The following SPATA7 variants were observed in gnomAD, a reference collection of about 807,000 sequenced individuals.
SPATA7 encodes the protein spermatogenesis associated 7, also known as spermatogenesis-associated protein 7.
In SPATA7, 43 loss-of-function variants were observed where a neutral mutation model predicts 51.8. That is an observed-to-expected ratio of 0.83 (90% CI 0.65 to 1.07). The LOEUF (loss-of-function observed/expected upper bound fraction) is 1.07. SPATA7 is among the 50% of genes least tolerant of loss of function. The pLI, the probability that SPATA7 is intolerant of heterozygous loss-of-function variation, is 0.00. For missense variants in SPATA7, 683 were observed against 701.3 expected (o/e 0.97, Z 0.30); for synonymous variants, 230 against 252.8 (o/e 0.91, Z 0.86).
chr14:88,421,362 A>T (rs1595255749), intron 5 of SPATA7, among the ~76,000 whole-genome samples: 1 of 152,156 alleles, frequency 6.6e-6, no homozygotes, highest in East Asian at 1.9e-4. Flanking sequence ...CCTAGCACCC[A>T]TGATGTGGTT....
intron 10 of SPATA7, among the ~76,000 whole-genome samples, chr14:88,434,001 G>A (rs2077008351): frequency 6.6e-6 from 1 of 152,088 alleles, no homozygotes; most frequent in Non-Finnish European, 1.5e-5. Context: ...TGCATAATAT[G>A]GGTAAAGAGT....
intron 10 of SPATA7, among the ~76,000 whole-genome samples, chr14:88,434,357 T>C (rs1350253226): frequency 1.3e-5 from 2 of 152,102 alleles, no homozygotes; most frequent in Admixed American, 6.6e-5. Flanking sequence ...TTTACAGATA[T>C]AGAAAGATGT....
chr14:88,469,085 A>G lies in SPATA7; in HGVS notation c.255-762A>G. On this transcript the variant is annotated intron_variant, in intron 4 of 4. Coordinates refer to the SPATA7 transcript ENST00000556406. This position sits in a 1 kb window ranked among gnomAD's most constrained non-coding sequence, Gnocchi z 4.3. The stretch of plus-strand genomic sequence containing the variant: ...GATCTCTTCAAGATATGCTGTGGAA[A>G]ATCAATGAAATAGAAAAGTACTCAA... The G allele has an allele frequency of 1.2e-6, 2 of 1,602,942 alleles. No homozygotes were observed. The highest frequency in any genetic ancestry group is 1.1e-5 in the South Asian group (1 of 90,424).
intron 5 of SPATA7, among the ~76,000 whole-genome samples, chr14:88,420,757 T>C (rs746925883): frequency 2.0e-5 from 3 of 152,162 alleles, no homozygotes; most frequent in Non-Finnish European, 2.9e-5. Context: ...ATTTTATCCA[T>C]AAATATTTGA....
intron 4 of SPATA7, chr14:88,468,037 C>T (rs1200374980): frequency 1.8e-5 from 26 of 1,433,958 alleles, no homozygotes; most frequent in Admixed American, 9.2e-5. Context: ...TGCCACGCTG[C>T]GTGGATCAAG....
At chr14:88,429,213 A>T in intron 7 of SPATA7, 135 bp from the exon 8 acceptor site, 1 of 540,082 alleles carries the variant, frequency 1.9e-6, no homozygotes, top group South Asian at 2.5e-5. Flanking sequence ...ATTATTCTAA[A>T]ATATTCTTTG....
At chr14:88,391,547 T>A (rs543488665) in intron 2 of SPATA7, 92 bp downstream of exon 2, 2 of 1,041,106 alleles carry the variant, frequency 1.9e-6, no homozygotes, top group African/African-American at 1.6e-5. Flanking sequence ...GAAAAATTGT[T>A]TCATTTGACG....
chr14:88,469,075 T>A lies in SPATA7; in HGVS notation c.255-772T>A, dbSNP rs1595334574. ...GAACAGACTGGATCTCTTCAAGATA[T>A]GCTGTGGAAAATCAATGAAATAGAA... On this transcript the variant is annotated intron_variant, in intron 4 of 4. Transcript: ENST00000556406. This position sits in a 1 kb window ranked among gnomAD's most constrained non-coding sequence, Gnocchi z 4.3. The A allele has an allele frequency of 1.2e-6, 2 of 1,605,774 alleles. No homozygotes were observed. The highest frequency in any genetic ancestry group is 1.7e-6 in the Non-Finnish European group (2 of 1,174,086).
intron 9 of SPATA7, 119 bp from the exon 10 acceptor site, chr14:88,433,016 G>A (rs1160379738): frequency 2.7e-6 from 2 of 733,836 alleles, no homozygotes; most frequent in Non-Finnish European, 4.6e-6. Context: ...AGTAATATGA[G>A]ATAGAAGTAC....
At chr14:88,443,119 A>G (rs2140037951), downstream of SPATA7, among the ~76,000 whole-genome samples, 1 of 151,806 alleles carries the variant, frequency 6.6e-6, no homozygotes, top group Non-Finnish European at 1.5e-5. Context: ...TAATTTTTGT[A>G]TTTTTAGTAG....
chr14:88,436,807 A>G (rs1187508173), intron 10 of SPATA7, among the ~76,000 whole-genome samples: 1 of 152,154 alleles, frequency 6.6e-6, no homozygotes, highest in East Asian at 1.9e-4. Context: ...ATGCCTGACC[A>G]TGCTGTTTTG....
Position 88,448,313 on chromosome 14 carries a change from C to T in SPATA7, c.178-6747C>T, listed in dbSNP as rs1026503337. Among the ~76,000 whole-genome samples, 10 of 152,134 alleles carry T rather than the reference C, an allele frequency of 6.6e-5. 1 individual carries two copies. Among genetic ancestry groups the T allele is most frequent in the Admixed American group, 2.0e-4 (3 of 15,266 alleles). On this transcript the variant is annotated intron_variant, in intron 3 of 3. Transcript: ENST00000554802. ...GCTTCTGCATTCTTCACATAGTTCT[C>T]GAGCCTTGGTTTTCAGCTCCATCAG...
intron 4 of SPATA7, among the ~76,000 whole-genome samples, chr14:88,405,073 T>C (rs1226248435): frequency 6.6e-6 from 1 of 152,102 alleles, no homozygotes; most frequent in Non-Finnish European, 1.5e-5. Context: ...AGCAGAGACC[T>C]GAAAGAATTA....
chr14:88,431,112 T>C, intron 8 of SPATA7, 60 bp from the exon 9 acceptor site: 1 of 1,371,114 alleles, frequency 7.3e-7, no homozygotes, highest in Non-Finnish European at 1.0e-6. Flanking sequence ...ACAATGTTAT[T>C]GAGTACTTAT....
At chr14:88,435,207 C>G (rs1291510134) in intron 10 of SPATA7, among the ~76,000 whole-genome samples, 4 of 152,240 alleles carry the variant, frequency 2.6e-5, no homozygotes, top group African/African-American at 9.6e-5. Context: ...CACAGTAGCA[C>G]TTAATGGAAA....
At chr14:88,409,442 C>A (rs2076281653) in intron 4 of SPATA7, among the ~76,000 whole-genome samples, 1 of 151,938 alleles carries the variant, frequency 6.6e-6, no homozygotes, top group Non-Finnish European at 1.5e-5. Flanking sequence ...GGTGATATCC[C>A]CTTTGTCGTT....
At chr14:88,433,001 C>T in intron 9 of SPATA7, 134 bp from the exon 10 acceptor site, 3 of 664,210 alleles carry the variant, frequency 4.5e-6, no homozygotes, top group African/African-American at 1.8e-5. Flanking sequence ...TGTAATATTC[C>T]CCTTAGTAAT....
intron 4 of SPATA7, among the ~76,000 whole-genome samples, chr14:88,401,729 T>C (rs2076064549): frequency 1.3e-5 from 2 of 150,432 alleles, no homozygotes; most frequent in Admixed American, 1.3e-4. Context: ...CCTAGCTACA[T>C]TGGAGGCTGA....
At chr14:88,429,315 C>A in intron 7 of SPATA7, 33 bp from the exon 8 acceptor site, 3 of 1,335,148 alleles carry the variant, frequency 2.2e-6, no homozygotes, top group Non-Finnish European at 3.2e-6. Context: ...TATTTTTAAG[C>A]AAAAATAAAT....
Sources: allele counts gnomAD v4.1 joint callset (sites outside exome capture counted in the v4.1 genomes callset), GRCh38; gene constraint gnomAD v4.1.1; non-coding constraint Gnocchi (gnomAD v3.1); transcripts MANE v1.5; gene names NCBI Gene and HGNC (gene_info 2026-07-23, HGNC 2026-07-21).